BAZ2B: variants seen among roughly 807,000 people sequenced by gnomAD.
The protein encoded by BAZ2B is bromodomain adjacent to zinc finger domain 2B, also known as bromodomain adjacent to zinc finger domain protein 2B.
Under a neutral mutation model 246.0 loss-of-function variants are expected in BAZ2B, and 91 were observed. The observed-to-expected ratio is 0.37, with a 90% CI of 0.31 to 0.44. BAZ2B has a LOEUF of 0.44. Ranked by LOEUF, BAZ2B falls within the 20% of genes least tolerant of loss-of-function variation. The pLI is 1.00. For missense variants in BAZ2B, 2,332 were observed against 2,533.7 expected (o/e 0.92, Z 1.71); for synonymous variants, 855 against 860.0 (o/e 0.99, Z 0.10).
chr2:159,529,223 T>G (rs1373717834), intron 2 of BAZ2B, among the ~76,000 whole-genome samples: 2 of 152,076 alleles, frequency 1.3e-5, no homozygotes, highest in South Asian at 4.1e-4. Context: ...CATGAAATAC[T>G]CCATACAACC....
chr2:159,565,302 G>A (rs1202662163), intron 1 of BAZ2B, among the ~76,000 whole-genome samples: 3 of 152,198 alleles, frequency 2.0e-5, no homozygotes, highest in African/African-American at 4.8e-5. Context: ...CAACTCTGAC[G>A]GAGTATTGCT....
intron 6 of BAZ2B, among the ~76,000 whole-genome samples, chr2:159,440,401 T>TTAC (rs1464921428): frequency 1.2e-4 from 19 of 152,160 alleles, no homozygotes; most frequent in African/African-American, 4.3e-4. Context: ...GAAGCCACGG[T>TTAC]TACAGATTGC....
the BAZ2B span, among the ~76,000 whole-genome samples, chr2:159,652,694 T>C: frequency 6.6e-6 from 1 of 152,078 alleles, no homozygotes; most frequent in African/African-American, 2.4e-5. Flanking sequence ...CACGATTTAC[T>C]AACAGCCCTA....
At chr2:159,477,580 T>A (rs1352334003) in intron 3 of BAZ2B, among the ~76,000 whole-genome samples, 1 of 152,068 alleles carries the variant, frequency 6.6e-6, no homozygotes, top group Non-Finnish European at 1.5e-5. Context: ...TGCAAAAGTT[T>A]CCATTTTAAT....
At chr2:159,689,301 T>C in the BAZ2B span, 1 of 435,158 alleles carries the variant, frequency 2.3e-6, no homozygotes, top group Non-Finnish European at 4.2e-6. Context: ...TTTCCAGTAC[T>C]ACTACCTTCA....
chr2:159,631,203 A>G, the BAZ2B span, among the ~76,000 whole-genome samples: 1 of 152,180 alleles, frequency 6.6e-6, no homozygotes, highest in Non-Finnish European at 1.5e-5. Flanking sequence ...CAAAAAATAA[A>G]TGAATAAATA....
intron 13 of BAZ2B, among the ~76,000 whole-genome samples, chr2:159,426,700 A>G (rs2069968468): frequency 6.6e-6 from 1 of 152,184 alleles, no homozygotes; most frequent in African/African-American, 2.4e-5. Context: ...AATAGGTTAC[A>G]TGATGTATGC....
chr2:159,600,954 A>G (rs1413541706), intron 1 of BAZ2B, among the ~76,000 whole-genome samples: 1 of 152,084 alleles, frequency 6.6e-6, no homozygotes, highest in Non-Finnish European at 1.5e-5. Flanking sequence ...ATCACACAAA[A>G]CTCATAATCC....
chr2:159,341,570 A>G (rs976334380), intron 31 of BAZ2B, among the ~76,000 whole-genome samples: 1 of 152,196 alleles, frequency 6.6e-6, no homozygotes, highest in African/African-American at 2.4e-5. Context: ...TGCAGAATAC[A>G]CATTATTTTC....
chr2:159,687,926 T>C, the BAZ2B span, among the ~76,000 whole-genome samples: 1 of 152,200 alleles, frequency 6.6e-6, no homozygotes, highest in Non-Finnish European at 1.5e-5. Flanking sequence ...TGGAGAATTC[T>C]TGGTGTGGAA....
intron 8 of BAZ2B, among the ~76,000 whole-genome samples, chr2:159,436,261 T>A (rs1243562643): frequency 6.6e-6 from 1 of 152,220 alleles, no homozygotes; most frequent in Admixed American, 6.5e-5. Flanking sequence ...TGTTCCTCAC[T>A]GTAATTCTGA....
chr2:159,361,541 G>A (rs2059691368), intron 27 of BAZ2B, among the ~76,000 whole-genome samples: 1 of 152,164 alleles, frequency 6.6e-6, no homozygotes, highest in Non-Finnish European at 1.5e-5. Flanking sequence ...AAGACAGTGT[G>A]GTGATTCCTC....
At chr2:159,633,738 C>CT in the BAZ2B span, among the ~76,000 whole-genome samples, 47,662 of 120,108 alleles carry the variant, frequency 0.4, 9,926 homozygotes, top group African/African-American at 0.48. Flanking sequence ...TCACTTTATT[C>CT]TTTTTTTTTT....
rs759153006 is a variant in BAZ2B at position 159,453,684 on chromosome 2, T to A, written c.263A>T (p.Glu88Val). 6.2e-7 allele frequency: 1 copy of A among 1,613,504 alleles called. No individual in the cohort carries two copies. Among genetic ancestry groups the A allele is most frequent in the Non-Finnish European group, 8.5e-7 (1 of 1,179,736 alleles). Residue 88 changes from glutamate (E) to valine (V), a missense_variant, in exon 4 of 37, where the codon GAA becomes GTA. Glu to Val is a moderately radical substitution (Grantham distance 121). Coordinates refer to ENST00000392783, the MANE Select transcript of BAZ2B (RefSeq NM_013450.4). ...GLHSASSGHS[E>V]FGGLGTLGTP... ...ACCAAGTGTCCCCAAACCACCAAAT[T>A]CTGAATGCCCTGAGCTGGCTGAATG...
At chr2:159,341,322 C>T (rs1458328282) in intron 31 of BAZ2B, among the ~76,000 whole-genome samples, 1 of 152,064 alleles carries the variant, frequency 6.6e-6, no homozygotes, top group Non-Finnish European at 1.5e-5. Flanking sequence ...ATCAATTCAA[C>T]AAGAGAATAC....
chr2:159,524,597 G>T (rs1019939876), intron 2 of BAZ2B, among the ~76,000 whole-genome samples: 4 of 152,022 alleles, frequency 2.6e-5, no homozygotes, highest in Non-Finnish European at 5.9e-5. Flanking sequence ...CTGAGAAAAG[G>T]GGATTACTTA....
intron 20 of BAZ2B, 31 bp downstream of exon 20, chr2:159,395,738 A>C (rs747537598): frequency 8.4e-6 from 13 of 1,542,986 alleles, no homozygotes; most frequent in Non-Finnish European, 1.2e-5. Context: ...TTACTTTATA[A>C]GGTAATATTT....
At chr2:159,489,733 C>T (rs2080234659) in intron 2 of BAZ2B, among the ~76,000 whole-genome samples, 1 of 152,076 alleles carries the variant, frequency 6.6e-6, no homozygotes, top group South Asian at 2.1e-4. Context: ...AAGAACCCAT[C>T]CCTACTAAAT....
the BAZ2B span, among the ~76,000 whole-genome samples, chr2:159,667,518 C>T: frequency 6.6e-6 from 1 of 151,848 alleles, no homozygotes; most frequent in African/African-American, 2.4e-5. Flanking sequence ...ATCGCTTGAA[C>T]CCAGGAGGTG....
Sources: allele counts gnomAD v4.1 joint callset (sites outside exome capture counted in the v4.1 genomes callset), GRCh38; gene constraint gnomAD v4.1.1; transcripts MANE v1.5; gene names NCBI Gene and HGNC (gene_info 2026-07-23, HGNC 2026-07-21).